TRPM3: variants seen among roughly 807,000 people sequenced by gnomAD.
The protein encoded by TRPM3 is transient receptor potential cation channel subfamily M member 3, also known as long transient receptor potential channel 3.
A neutral mutation model predicts 181.2 loss-of-function variants in TRPM3; 77 were observed. The observed-to-expected ratio is 0.42, with a 90% CI of 0.35 to 0.51. TRPM3 has a LOEUF of 0.51. TRPM3 is among the 20% of genes least tolerant of loss of function. The pLI is 0.01. For synonymous variants in TRPM3, 745 were observed against 796.4 expected, an observed-to-expected ratio of 0.94 and a Z score of 1.09; for missense variants, 1,759 against 2,196.7, an observed-to-expected ratio of 0.80 and a Z score of 3.98.
chr9:71,024,332 A>G (rs1395454783), intron 1 of TRPM3, among the ~76,000 whole-genome samples: 2 of 152,184 alleles, frequency 1.3e-5, no homozygotes, highest in African/African-American at 4.8e-5. Flanking sequence ...CAGGATCTGG[A>G]AAAGAAATAA....
At chr9:71,262,671 G>A (rs774725686) in intron 1 of TRPM3, among the ~76,000 whole-genome samples, 43 of 152,344 alleles carry the variant, frequency 2.8e-4, no homozygotes, top group Non-Finnish European at 4.3e-4. Context: ...GTAGGCACCC[G>A]AGGGAATCTC....
chr9:71,255,057 GC>G (rs1347351394), intron 1 of TRPM3, among the ~76,000 whole-genome samples: 1 of 152,052 alleles, frequency 6.6e-6, no homozygotes, highest in East Asian at 1.9e-4. Flanking sequence ...GTCCAACTTA[GC>G]CACAAAGGGA....
chr9:71,062,209 C>A (rs930011187), intron 1 of TRPM3, among the ~76,000 whole-genome samples: 2 of 152,088 alleles, frequency 1.3e-5, no homozygotes, highest in Non-Finnish European at 2.9e-5. Flanking sequence ...CCTAGATTTT[C>A]CAGGAATATG....
chr9:71,147,031 C>T (rs2075448090), intron 1 of TRPM3, among the ~76,000 whole-genome samples: 1 of 152,200 alleles, frequency 6.6e-6, no homozygotes, highest in Non-Finnish European at 1.5e-5. Flanking sequence ...AGGGGCTAGC[C>T]GAACTGAAAG....
At chr9:70,980,895 T>A (rs1407951822) in intron 1 of TRPM3, among the ~76,000 whole-genome samples, 2 of 152,170 alleles carry the variant, frequency 1.3e-5, no homozygotes, top group Admixed American at 6.5e-5. Context: ...CACCTTTCCA[T>A]CCTCTCCTAT....
At chr9:71,333,243 G>A (rs551454555) in intron 1 of TRPM3, among the ~76,000 whole-genome samples, 1 of 151,976 alleles carries the variant, frequency 6.6e-6, no homozygotes, top group East Asian at 1.9e-4. Flanking sequence ...CCACTTCTAG[G>A]GAACTGGTCA....
At chr9:70,582,770 G>A (rs1480779162) in intron 22 of TRPM3, among the ~76,000 whole-genome samples, 3 of 152,186 alleles carry the variant, frequency 2.0e-5, no homozygotes, top group Non-Finnish European at 4.4e-5. Flanking sequence ...AGATTCTACT[G>A]TACAGGGCTA....
At chr9:71,035,875 T>C (rs192050800) in intron 1 of TRPM3, among the ~76,000 whole-genome samples, 2 of 151,826 alleles carry the variant, frequency 1.3e-5, no homozygotes, top group East Asian at 3.9e-4. Flanking sequence ...AAATATATGG[T>C]ACAAATTATT....
chr9:71,356,478 C>G (rs780773794), intron 1 of TRPM3, among the ~76,000 whole-genome samples: 1 of 151,984 alleles, frequency 6.6e-6, no homozygotes, highest in Admixed American at 6.6e-5. Flanking sequence ...AAAATAGAGA[C>G]GTAGTTAGGA....
At position 71,290,202 on chromosome 9, in the gene TRPM3, G is replaced by A. The variant is rs543919833; in HGVS notation, c.183+156451C>T. Among the ~76,000 whole-genome samples the A allele has an allele frequency of 1.4e-4, 21 of 152,048 alleles. No individual in the cohort carries two copies. The East Asian group carries it at 1.9e-3, about 14-fold the overall frequency. On this transcript the variant is annotated intron_variant, in intron 1 of 24. Coordinates refer to the TRPM3 transcript ENST00000357533. The stretch of plus-strand genomic sequence containing the variant: ...GTGATACGTGAAAAGGTAATGTGAC[G>A]CACTCTTTTTCAGAACTGATAAGAT...
At chr9:70,678,225 C>G (rs772507031) in intron 9 of TRPM3, among the ~76,000 whole-genome samples, 3 of 152,068 alleles carry the variant, frequency 2.0e-5, no homozygotes, top group African/African-American at 7.2e-5. Context: ...AACTGTGAGC[C>G]CCTTACATCT....
intron 1 of TRPM3, among the ~76,000 whole-genome samples, chr9:71,310,331 G>A (rs62543442): frequency 0.049 from 7,420 of 151,876 alleles, 265 homozygotes; most frequent in Non-Finnish European, 0.075. Flanking sequence ...CTTGAAAACC[G>A]AAACCAACAT....
intron 1 of TRPM3, among the ~76,000 whole-genome samples, chr9:70,918,624 A>G (rs923341068): frequency 3.3e-5 from 5 of 152,210 alleles, no homozygotes; most frequent in African/African-American, 1.2e-4. Flanking sequence ...AAGCAGTACT[A>G]AGGGGGAAAT....
chr9:71,061,382 C>T (rs1388447482), intron 1 of TRPM3, among the ~76,000 whole-genome samples: 1 of 152,112 alleles, frequency 6.6e-6, no homozygotes, highest in Non-Finnish European at 1.5e-5. Flanking sequence ...GTGGAATCAA[C>T]AGAGGTGGCC....
chr9:70,668,094 A>G (rs957787057), intron 9 of TRPM3, among the ~76,000 whole-genome samples: 2 of 152,198 alleles, frequency 1.3e-5, no homozygotes, highest in African/African-American at 2.4e-5. Context: ...TGCATCAAGA[A>G]AAGTTTAGTC....
intron 1 of TRPM3, among the ~76,000 whole-genome samples, chr9:71,274,570 T>C (rs1381678915): frequency 6.6e-6 from 1 of 152,210 alleles, no homozygotes; most frequent in Non-Finnish European, 1.5e-5. Context: ...TGTGTTGCTC[T>C]TAAATAGGAG....
chr9:71,338,936 C>T (rs2090764032), intron 1 of TRPM3, among the ~76,000 whole-genome samples: 1 of 152,090 alleles, frequency 6.6e-6, no homozygotes, highest in South Asian at 2.1e-4. Flanking sequence ...AGAAATGAAA[C>T]TATCTCTATT....
chr9:71,415,281 T>C (rs1357542455), intron 1 of TRPM3, among the ~76,000 whole-genome samples: 2 of 152,096 alleles, frequency 1.3e-5, no homozygotes, highest in African/African-American at 4.8e-5. Flanking sequence ...TCTCTGACTT[T>C]TGACCTCTGT....
At chr9:71,237,947 A>C (rs1051682969) in intron 1 of TRPM3, among the ~76,000 whole-genome samples, 70 of 152,266 alleles carry the variant, frequency 4.6e-4, no homozygotes, top group African/African-American at 1.5e-3. Context: ...TCATTCCTTC[A>C]TAAAGGCCCT....
Sources: gnomAD v4.1 joint callset for allele counts (sites outside exome capture counted in the v4.1 genomes callset) on GRCh38, gnomAD v4.1.1 for gene constraint, MANE v1.5 for transcripts, NCBI Gene and HGNC (gene_info 2026-07-23, HGNC 2026-07-21) for gene names.